The following FAM20A variants were observed in gnomAD, a reference collection of about 807,000 sequenced individuals.
The protein encoded by FAM20A is FAM20A golgi associated secretory pathway pseudokinase, also known as pseudokinase FAM20A.
FAM20A carries 42 observed loss-of-function variants against 52.0 expected under a neutral mutation model. That is an observed-to-expected ratio of 0.81 (90% CI 0.63 to 1.04). The LOEUF is 1.04. FAM20A is among the 50% of genes least tolerant of loss of function. FAM20A has a pLI of 0.00. For missense variants in FAM20A, 742 were observed against 712.7 expected (o/e 1.04, Z -0.47); for synonymous variants, 304 against 298.9 (o/e 1.02, Z -0.18).
chr17:68,540,102 G>A, intron 8 of FAM20A, 136 bp from the exon 9 acceptor site: 1 of 754,856 alleles, frequency 1.3e-6, no homozygotes, highest in Admixed American at 2.0e-5. Flanking sequence ...GCCTCACACT[G>A]TCATTTCCTC....
intron 4 of FAM20A, among the ~76,000 whole-genome samples, chr17:68,547,661 A>C (rs2086632569): frequency 1.3e-5 from 2 of 152,212 alleles, no homozygotes; most frequent in Admixed American, 6.5e-5. Flanking sequence ...GCCTTCATTG[A>C]GGAGAGTTAG....
intron 1 of FAM20A, among the ~76,000 whole-genome samples, chr17:68,566,072 C>T (rs3744506): frequency 0.17 from 26,341 of 152,142 alleles, 2,487 homozygotes; most frequent in East Asian, 0.34. Flanking sequence ...TTCTTCTACA[C>T]TTTCATCTCC....
intron 1 of FAM20A, among the ~76,000 whole-genome samples, chr17:68,586,165 CAT>C (rs1205003445): frequency 6.6e-6 from 1 of 152,172 alleles, no homozygotes; most frequent in Non-Finnish European, 1.5e-5. Context: ...TCCTTTGGCA[CAT>C]TTTTCTCAAC....
rs11471248 is a variant in FAM20A, at chr17:68,584,347, CAAAAAAA to C, written c.404+15909_404+15915del. On this transcript the variant is annotated intron_variant, in intron 1 of 10. Coordinates refer to ENST00000592554, the MANE Select transcript of FAM20A (RefSeq NM_017565.4). Reference sequence around the variant, plus strand: ...CAAAACAAAACAAAACAAAACAAAACAAAAAAAAAACCCAAACACAAAAAGCTTAAGA... The same window carrying C: ...CAAAACAAAACAAAACAAAACAAAACAAACCCAAACACAAAAAGCTTAAGA... Among the ~76,000 whole-genome samples, 170 of 124,798 alleles carry C rather than the reference CAAAAAAA, an allele frequency of 1.4e-3. 1 individual carries two copies. The highest frequency in any genetic ancestry group is 7.1e-3 in the East Asian group (24 of 3,384). The allele number at this position is 124,798 out of a possible 152,430, so 81.9% of individuals were successfully genotyped here.
chr17:68,555,481 G>A lies in FAM20A; in HGVS notation c.589+78C>T, dbSNP rs1035515061. On this transcript the variant is annotated intron_variant, in intron 2 of 10. Transcript: ENST00000592554. ...TGTCAAGCCTCTAATGTTCCACTCT[G>A]GAGCCTAGCCTGGGATGCTTTACCC... 1.9e-4 allele frequency: 290 copies of A among 1,518,426 alleles called. 2 individuals carry two copies. Among genetic ancestry groups the A allele is most frequent in the Non-Finnish European group, 1.0e-4 (111 of 1,095,094 alleles). The allele number at this position is 1,518,426 out of a possible 1,614,324, so 94.1% of individuals were successfully genotyped here. A position where few individuals can be genotyped will look rare whatever the true frequency, so the allele number is the denominator to read the frequency against.
intron 1 of FAM20A, among the ~76,000 whole-genome samples, chr17:68,568,088 T>C (rs1243004447): frequency 3.9e-5 from 6 of 151,980 alleles, no homozygotes; most frequent in Admixed American, 3.9e-4. Flanking sequence ...TCATTGGCTA[T>C]GACTGTTCTT....
chr17:68,539,755 G>T (rs1448727965), intron 9 of FAM20A, 130 bp downstream of exon 9: 1 of 826,746 alleles, frequency 1.2e-6, no homozygotes. Context: ...AAGAAGCCGG[G>T]CTCGAAGGAG....
chr17:68,567,377 C>T (rs975360319), intron 1 of FAM20A, among the ~76,000 whole-genome samples: 1 of 151,952 alleles, frequency 6.6e-6, no homozygotes, highest in Non-Finnish European at 1.5e-5. Context: ...TTAAAAACAT[C>T]TACATTCAAC....
At chr17:68,562,317 T>A (rs920376303) in intron 1 of FAM20A, among the ~76,000 whole-genome samples, 1 of 152,244 alleles carries the variant, frequency 6.6e-6, no homozygotes, top group Non-Finnish European at 1.5e-5. Flanking sequence ...TATCTCTATA[T>A]GTAGTGACGT....
At position 68,581,433 on chromosome 17, in the gene FAM20A, T is replaced by TTTTC. The variant is rs1568774601; in HGVS notation, c.404+18829_404+18830insGAAA. On this transcript the variant is annotated intron_variant, in intron 1 of 10. Coordinates refer to ENST00000592554, the MANE Select transcript of FAM20A (RefSeq NM_017565.4). Reference sequence around the variant, plus strand: ...TTCTTTCTTTTTCTCTTTTCTTTCTTTCTTTTCTTTTTTTCTTTTCTTTCT... The same window carrying TTTTC: ...TTCTTTCTTTTTCTCTTTTCTTTCTTTTTCTCTTTTCTTTTTTTCTTTTCTTTCT... Among the ~76,000 whole-genome samples the TTTTC allele has an allele frequency of 2.8e-3, 367 of 132,690 alleles. 4 individuals carry two copies. The highest frequency in any genetic ancestry group is 9.7e-3 in the African/African-American group (300 of 31,058). 87.0% of individuals were successfully genotyped at this position (132,690 alleles called of 152,430 possible).
In FAM20A at chr17:68,600,407, C is replaced by G. The variant is rs745901854; in HGVS notation, c.260G>C (p.Gly87Ala). 3 of 1,609,764 alleles carry G rather than the reference C, an allele frequency of 1.9e-6. No homozygotes were observed. The South Asian group carries it at 3.3e-5, about 18-fold the overall frequency. ...RTEPAGGSHS[G>A]SSSKLQALFA... ...GAGGGCCTGCAACTTGGAGCTCGAC[C>G]CGCTGTGGCTGCCGCCAGCCGGTTC... The change falls in exon 1 of 11, where the codon GGG (glycine) becomes GCG (alanine). Residue 87 changes from glycine to alanine, a missense_variant. Gly to Ala is a moderately conservative substitution (Grantham distance 60, BLOSUM62 0). Transcript: ENST00000592554. This position sits in a 1 kb window ranked among gnomAD's most constrained non-coding sequence, Gnocchi z 6.2.
At chr17:68,582,895 G>A (rs904162311) in intron 1 of FAM20A, among the ~76,000 whole-genome samples, 7 of 144,288 alleles carry the variant, frequency 4.9e-5, no homozygotes, top group African/African-American at 1.8e-4. Flanking sequence ...CCAGGTTCTG[G>A]TTCAAGCAAT....
chr17:68,556,917 G>A (rs776220172), intron 1 of FAM20A, among the ~76,000 whole-genome samples: 1 of 152,098 alleles, frequency 6.6e-6, no homozygotes, highest in Non-Finnish European at 1.5e-5. Context: ...ATTTGGGCGT[G>A]TCCAATTTTC....
At position 68,596,274 on chromosome 17, in the gene FAM20A, T is replaced by G. The variant is rs76588762; in HGVS notation, c.404+3989A>C. Among the ~76,000 whole-genome samples the G allele has an allele frequency of 8.8e-3, 1,338 of 152,136 alleles. 23 individuals carry two copies. Among genetic ancestry groups the G allele is most frequent in the African/African-American group, 0.031 (1,266 of 41,482 alleles). ...GCAAGACAATATAACCTTCCTGACA[T>G]CTGAGGAAGATGTCAAGAAAGAAAA... is the stretch of plus-strand genomic sequence containing the variant. On this transcript the variant is annotated intron_variant, in intron 1 of 10. Coordinates refer to ENST00000592554, the MANE Select transcript of FAM20A (RefSeq NM_017565.4).
At chr17:68,539,627 T>C (rs1428568881) in intron 9 of FAM20A, among the ~76,000 whole-genome samples, 1 of 152,246 alleles carries the variant, frequency 6.6e-6, no homozygotes, top group Non-Finnish European at 1.5e-5. Flanking sequence ...GGCCAGCCAC[T>C]GAGGATGCAC....
intron 1 of FAM20A, among the ~76,000 whole-genome samples, chr17:68,582,780 A>ATTTTTTTTTT: frequency 1.3e-5 from 1 of 79,810 alleles, no homozygotes; most frequent in Non-Finnish European, 2.2e-5. Flanking sequence ...GCCAGGATTA[A>ATTTTTTTTTT]TTTTTTTTTT....
intron 1 of FAM20A, among the ~76,000 whole-genome samples, chr17:68,589,786 T>A (rs2088253894): frequency 6.6e-6 from 1 of 152,238 alleles, no homozygotes; most frequent in South Asian, 2.1e-4. Context: ...TATATAAAAT[T>A]GTTTAAAAAG....
At chr17:68,540,789 G>T in intron 8 of FAM20A, 60 bp downstream of exon 8, 1 of 1,551,654 alleles carries the variant, frequency 6.4e-7, no homozygotes, top group South Asian at 1.2e-5. Context: ...CAAGGTCACG[G>T]GGAACCCTAG....
chr17:68,539,388 C>T lies in FAM20A; in HGVS notation c.1310G>A (p.Arg437Gln), dbSNP rs770194120. Residue 437 changes from arginine to glutamine, a missense_variant, in exon 10 of 11, where the codon CGA becomes CAA. By Grantham distance (43) the Arg-to-Gln change is conservative. Coordinates refer to ENST00000592554, the MANE Select transcript of FAM20A (RefSeq NM_017565.4). ...GATGGAGATTTCATCATGGGAGTGT[C>T]GTCCGAACCTAGGAGGAGAAACAGG... Reference protein sequence around the residue: ...IHLDNARGFGRHSHDEISILS... With the variant: ...IHLDNARGFGQHSHDEISILS... 8.1e-6 allele frequency: 13 copies of T among 1,613,994 alleles called. No individual in the cohort carries two copies. Among genetic ancestry groups the T allele is most frequent in the Middle Eastern group, 1.6e-4 (1 of 6,078 alleles).
Sources: allele counts gnomAD v4.1 joint callset (sites outside exome capture counted in the v4.1 genomes callset), GRCh38; gene constraint gnomAD v4.1.1; non-coding constraint Gnocchi (gnomAD v3.1); transcripts MANE v1.5; gene names NCBI Gene and HGNC (gene_info 2026-07-23, HGNC 2026-07-21).